The following CNTN5 variants were observed in gnomAD, a reference collection of about 807,000 sequenced individuals.
CNTN5 encodes the protein contactin 5.
In CNTN5, 77 loss-of-function variants were observed where a neutral mutation model predicts 129.1. The observed-to-expected ratio is 0.60, with a 90% CI of 0.50 to 0.72. The LOEUF (loss-of-function observed/expected upper bound fraction) is 0.72, where lower values mean the gene tolerates loss of function less well. Ranked by LOEUF, CNTN5 falls within the 30% of genes least tolerant of loss-of-function variation. CNTN5 has a pLI of 0.00. For synonymous variants in CNTN5, 509 were observed against 465.6 expected (o/e 1.09, Z -1.20); for missense variants, 1,478 against 1,328.8 (o/e 1.11, Z -1.75).
chr11:99,360,063 A>G (rs573907947), intron 2 of CNTN5, among the ~76,000 whole-genome samples: 2 of 151,062 alleles, frequency 1.3e-5, no homozygotes, highest in South Asian at 4.2e-4. Flanking sequence ...AAAATTTAAA[A>G]AATAGACAAT....
chr11:99,451,504 T>G (rs958750258), intron 2 of CNTN5, among the ~76,000 whole-genome samples: 1 of 152,186 alleles, frequency 6.6e-6, no homozygotes, highest in African/African-American at 2.4e-5. Context: ...AATAATGTTA[T>G]CAAATGGAAA....
chr11:100,064,158 C>T (rs772868781), intron 10 of CNTN5, among the ~76,000 whole-genome samples: 1 of 152,154 alleles, frequency 6.6e-6, no homozygotes, highest in South Asian at 2.1e-4. Flanking sequence ...GTTAGAAGTA[C>T]AGACTACCCA....
At chr11:99,551,990 C>A in intron 2 of CNTN5, among the ~76,000 whole-genome samples, 1 of 151,524 alleles carries the variant, frequency 6.6e-6, no homozygotes. Flanking sequence ...TCACTGCAAC[C>A]TCTGTCTCCC....
intron 1 of CNTN5, among the ~76,000 whole-genome samples, chr11:99,295,103 A>G (rs1864328215): frequency 6.6e-6 from 1 of 152,192 alleles, no homozygotes; most frequent in South Asian, 2.1e-4. Flanking sequence ...GCACGCAAAC[A>G]TTTAAAACCT....
chr11:99,586,712 C>T (rs966507495), intron 3 of CNTN5, among the ~76,000 whole-genome samples: 2 of 152,086 alleles, frequency 1.3e-5, no homozygotes, highest in Non-Finnish European at 2.9e-5. Context: ...AGATGTCTCT[C>T]TATGTAATAT....
chr11:99,174,709 G>A (rs1317871280), intron 1 of CNTN5, among the ~76,000 whole-genome samples: 13 of 151,888 alleles, frequency 8.6e-5, no homozygotes. Context: ...GCACTATTAT[G>A]CCCATAATTT....
intron 9 of CNTN5, among the ~76,000 whole-genome samples, chr11:100,052,318 C>G (rs1282412304): frequency 1.3e-5 from 2 of 151,718 alleles, no homozygotes; most frequent in African/African-American, 4.8e-5. Context: ...ATCACCACCT[C>G]TGTTCCACAC....
At chr11:99,413,515 A>T (rs1405321795) in intron 2 of CNTN5, among the ~76,000 whole-genome samples, 4 of 152,156 alleles carry the variant, frequency 2.6e-5, no homozygotes, top group African/African-American at 9.7e-5. Flanking sequence ...GCTACTTGGG[A>T]GGCTGACGCA....
chr11:100,096,507 C>T (rs1945015329), intron 13 of CNTN5, among the ~76,000 whole-genome samples: 1 of 152,030 alleles, frequency 6.6e-6, no homozygotes, highest in Non-Finnish European at 1.5e-5. Flanking sequence ...GATCTCCCTC[C>T]CACCTGGGAG....
intron 2 of CNTN5, among the ~76,000 whole-genome samples, chr11:99,433,085 G>A (rs963263116): frequency 5.9e-5 from 9 of 151,824 alleles, no homozygotes; most frequent in Admixed American, 1.3e-4. Context: ...CTTTTCAGAG[G>A]ATGGAAATCT....
At chr11:99,357,172 T>G (rs943874007) in intron 2 of CNTN5, among the ~76,000 whole-genome samples, 2 of 151,846 alleles carry the variant, frequency 1.3e-5, no homozygotes, top group African/African-American at 4.9e-5. Context: ...CAGTGGCGTT[T>G]GAACTCACAG....
intron 4 of CNTN5, among the ~76,000 whole-genome samples, chr11:99,826,736 A>G (rs1004396989): frequency 1.3e-5 from 2 of 152,226 alleles, no homozygotes; most frequent in African/African-American, 2.4e-5. Context: ...CAATGAAATT[A>G]TAAATAGGCT....
chr11:99,711,567 G>T (rs1056291592), intron 3 of CNTN5, among the ~76,000 whole-genome samples: 2 of 151,716 alleles, frequency 1.3e-5, no homozygotes, highest in Non-Finnish European at 2.9e-5. Flanking sequence ...GTGTCATGGT[G>T]GTTTGCTGCA....
At chr11:99,519,683 T>C (rs1053643461) in intron 2 of CNTN5, among the ~76,000 whole-genome samples, 2 of 152,122 alleles carry the variant, frequency 1.3e-5, no homozygotes, top group Non-Finnish European at 2.9e-5. Context: ...TCTTCATTTA[T>C]GAGTAGATAA....
At chr11:99,580,742 T>C (rs1591310632) in intron 3 of CNTN5, among the ~76,000 whole-genome samples, 2 of 147,758 alleles carry the variant, frequency 1.4e-5, no homozygotes, top group Non-Finnish European at 3.0e-5. Context: ...TTAGTCTTGC[T>C]AACGGTCTAT....
At chr11:99,836,195 C>T (rs552120581) in intron 4 of CNTN5, among the ~76,000 whole-genome samples, 11 of 149,384 alleles carry the variant, frequency 7.4e-5, no homozygotes, top group Non-Finnish European at 1.0e-4. Flanking sequence ...GCGCAACGTG[C>T]AGGTTTGTTA....
At chr11:99,270,090 A>G (rs1260336881) in intron 1 of CNTN5, among the ~76,000 whole-genome samples, 1 of 151,744 alleles carries the variant, frequency 6.6e-6, no homozygotes, top group Non-Finnish European at 1.5e-5. Context: ...TCCTGTGCTC[A>G]TTTTAACCCT....
intron 3 of CNTN5, among the ~76,000 whole-genome samples, chr11:99,666,947 ATATGT>A (rs1952816515): frequency 6.6e-6 from 1 of 152,098 alleles, no homozygotes; most frequent in African/African-American, 2.4e-5. Context: ...TTTTTAATTG[ATATGT>A]TTATATCTCT....
chr11:99,882,073 ATCTCAGCCTATTT>A (rs1948786028), intron 6 of CNTN5, among the ~76,000 whole-genome samples: 1 of 152,216 alleles, frequency 6.6e-6, no homozygotes, highest in South Asian at 2.1e-4. Flanking sequence ...ACACAAAGCC[ATCTCAGCCTATTT>A]TAGCAAAGAT....
Sources: gnomAD v4.1 joint callset for allele counts (sites outside exome capture counted in the v4.1 genomes callset) on GRCh38, gnomAD v4.1.1 for gene constraint, MANE v1.5 for transcripts, NCBI Gene and HGNC (gene_info 2026-07-23, HGNC 2026-07-21) for gene names.